The following FHIT variants were observed in gnomAD, a reference collection of about 807,000 sequenced individuals.
FHIT encodes fragile histidine triad diadenosine triphosphatase.
FHIT carries 19 observed loss-of-function variants against 17.9 expected under a neutral mutation model. The ratio of observed to expected loss-of-function variants is 1.06; its 90% CI spans 0.74 to 1.56. The LOEUF is 1.56. Ranked by LOEUF, FHIT falls within the 40% of genes most tolerant of loss-of-function variation. The probability of loss-of-function intolerance (pLI) is 0.00; values close to 1 mark genes in which losing one functional copy is unlikely to be tolerated. For missense variants in FHIT, 248 were observed against 189.2 expected, an observed-to-expected ratio of 1.31 and a Z score of -1.82; for synonymous variants, 81 against 69.7, an observed-to-expected ratio of 1.16 and a Z score of -0.81.
At chr3:60,072,356 TG>T (rs1559605590) in intron 5 of FHIT, among the ~76,000 whole-genome samples, 1 of 152,190 alleles carries the variant, frequency 6.6e-6, no homozygotes, top group Non-Finnish European at 1.5e-5. Flanking sequence ...TCCAGTTCGA[TG>T]GCTGTCAACA....
intron 8 of FHIT, among the ~76,000 whole-genome samples, chr3:59,840,628 A>C (rs1701500344): frequency 6.6e-6 from 1 of 152,106 alleles, no homozygotes; most frequent in Admixed American, 6.6e-5. Context: ...TTGTGTGTAG[A>C]AGCCTTGCCT....
chr3:60,633,700 G>C (rs556468494), intron 4 of FHIT, among the ~76,000 whole-genome samples: 11 of 152,308 alleles, frequency 7.2e-5, no homozygotes, highest in African/African-American at 2.4e-4. Flanking sequence ...GGAAATGCTA[G>C]CTGACCCTCA....
At chr3:61,214,527 C>T (rs1181539914) in intron 1 of FHIT, among the ~76,000 whole-genome samples, 3 of 152,078 alleles carry the variant, frequency 2.0e-5, no homozygotes, top group Non-Finnish European at 2.9e-5. Flanking sequence ...AGCTTACCAA[C>T]CAAAAAGAGT....
intron 8 of FHIT, among the ~76,000 whole-genome samples, chr3:59,880,967 C>G (rs1703384251): frequency 6.6e-6 from 1 of 152,060 alleles, no homozygotes; most frequent in Admixed American, 6.6e-5. Context: ...TTTGAGGGCA[C>G]TTGGAATAGC....
chr3:61,193,395 G>A (rs571351166), intron 2 of FHIT, among the ~76,000 whole-genome samples: 13 of 152,280 alleles, frequency 8.5e-5, no homozygotes, highest in East Asian at 3.9e-4. Context: ...AAGCCACAGC[G>A]AAAATCCCAG....
intron 1 of FHIT, among the ~76,000 whole-genome samples, chr3:61,223,680 T>C (rs1235690056): frequency 6.6e-6 from 1 of 152,218 alleles, no homozygotes; most frequent in Non-Finnish European, 1.5e-5. Flanking sequence ...CCAGATGGTG[T>C]ATCTCAGTAA....
At chr3:60,517,638 AATTAT>A (rs2035210577) in intron 5 of FHIT, among the ~76,000 whole-genome samples, 1 of 152,234 alleles carries the variant, frequency 6.6e-6, no homozygotes, top group Non-Finnish European at 1.5e-5. Context: ...TTTATATGAA[AATTAT>A]ATTAAACATA....
At chr3:60,814,117 A>G (rs1553736863) in intron 4 of FHIT, among the ~76,000 whole-genome samples, 1 of 152,074 alleles carries the variant, frequency 6.6e-6, no homozygotes, top group East Asian at 1.9e-4. Context: ...TCATTTTGTC[A>G]ATCATTTGAA....
intron 2 of FHIT, among the ~76,000 whole-genome samples, chr3:61,083,650 C>T (rs1490781021): frequency 1.3e-5 from 2 of 152,198 alleles, no homozygotes; most frequent in African/African-American, 4.8e-5. Context: ...CTCCCAACAC[C>T]TTCACCCTCA....
At chr3:60,923,629 A>C (rs1553768978) in intron 3 of FHIT, among the ~76,000 whole-genome samples, 1 of 152,190 alleles carries the variant, frequency 6.6e-6, no homozygotes, top group East Asian at 1.9e-4. Flanking sequence ...CTCCCAGAGT[A>C]AGCAATGCAG....
intron 5 of FHIT, among the ~76,000 whole-genome samples, chr3:60,174,677 T>G (rs1458458116): frequency 1.7e-4 from 26 of 152,030 alleles, no homozygotes; most frequent in Admixed American, 1.5e-3. Flanking sequence ...TCACATAATA[T>G]AAAATTAACC....
chr3:61,161,057 T>C (rs1214136630), intron 2 of FHIT, among the ~76,000 whole-genome samples: 2 of 152,016 alleles, frequency 1.3e-5, no homozygotes, highest in Non-Finnish European at 2.9e-5. Flanking sequence ...AGGCCTGATT[T>C]AGCAAACAGT....
At chr3:60,293,193 G>C (rs57140738) in intron 5 of FHIT, among the ~76,000 whole-genome samples, 1 of 152,136 alleles carries the variant, frequency 6.6e-6, no homozygotes, top group African/African-American at 2.4e-5. Flanking sequence ...GAAAGAAGAG[G>C]AGCCTAAATA....
intron 3 of FHIT, among the ~76,000 whole-genome samples, chr3:60,968,089 C>G (rs1026238794): frequency 6.6e-6 from 1 of 152,236 alleles, no homozygotes; most frequent in Non-Finnish European, 1.5e-5. Context: ...CATGTCCAGT[C>G]TGATCCAAGG....
chr3:60,982,319 G>C (rs774212299), intron 3 of FHIT, among the ~76,000 whole-genome samples: 40 of 152,132 alleles, frequency 2.6e-4, no homozygotes, highest in Non-Finnish European at 5.3e-4. Flanking sequence ...CAGAATTCTG[G>C]GTCTTCTGTT....
At chr3:60,449,679 T>C (rs2031587904) in intron 5 of FHIT, among the ~76,000 whole-genome samples, 1 of 151,984 alleles carries the variant, frequency 6.6e-6, no homozygotes, top group Admixed American at 6.6e-5. Flanking sequence ...AGTATTTGTG[T>C]ATCAAAACAT....
intron 7 of FHIT, among the ~76,000 whole-genome samples, chr3:60,007,889 A>G (rs1699985777): frequency 6.6e-6 from 1 of 152,164 alleles, no homozygotes; most frequent in Admixed American, 6.6e-5. Flanking sequence ...GAATTCTTTT[A>G]TGGCACACTT....
At chr3:60,117,673 C>T (rs1321657691) in intron 5 of FHIT, among the ~76,000 whole-genome samples, 1 of 152,048 alleles carries the variant, frequency 6.6e-6, no homozygotes. Context: ...CAACAACTTG[C>T]CAATGCTGAG....
intron 2 of FHIT, among the ~76,000 whole-genome samples, chr3:61,139,039 T>TTC (rs2036998646): frequency 6.6e-6 from 1 of 151,268 alleles, no homozygotes. Context: ...ACTTTTTTTT[T>TTC]TTTTTTTTGA....
Sources: allele counts gnomAD v4.1 joint callset (sites outside exome capture counted in the v4.1 genomes callset), GRCh38; gene constraint gnomAD v4.1.1; transcripts MANE v1.5; gene names NCBI Gene and HGNC (gene_info 2026-07-23, HGNC 2026-07-21).